The following RSPO3 variants were observed in gnomAD, a reference collection of about 807,000 sequenced individuals.
RSPO3 encodes R-spondin-3.
A neutral mutation model predicts 36.5 loss-of-function variants in RSPO3; 17 were observed. That is an observed-to-expected ratio of 0.47 (90% CI 0.32 to 0.70). The LOEUF (loss-of-function observed/expected upper bound fraction) is 0.70. RSPO3 is among the 30% of genes least tolerant of loss of function. The probability of loss-of-function intolerance (pLI) is 0.04; values close to 1 mark genes in which losing one functional copy is unlikely to be tolerated. For synonymous variants in RSPO3, 108 were observed against 107.0 expected, an observed-to-expected ratio of 1.01 and a Z score of -0.06; for missense variants, 294 against 322.5, an observed-to-expected ratio of 0.91 and a Z score of 0.68.
At position 127,198,399 on chromosome 6, in the gene RSPO3, G is replaced by A. The variant is rs1775556822; in HGVS notation, c.*2392G>A. 6.6e-6 allele frequency among the ~76,000 whole-genome samples: 1 copy of A among 152,164 alleles called. No individual in the cohort carries two copies. ...ATCCTTAAGACAATAGAATCATACA[G>A]TATTCAAACCAGCAGCCTTCTCAAA... On this transcript the variant is annotated 3_prime_UTR_variant, in exon 5 of 5. Coordinates refer to ENST00000356698, the MANE Select transcript of RSPO3 (RefSeq NM_032784.5).
intron 4 of RSPO3, among the ~76,000 whole-genome samples, chr6:127,171,390 T>G (rs1774931700): frequency 6.6e-6 from 1 of 151,744 alleles, no homozygotes; most frequent in Non-Finnish European, 1.5e-5. Flanking sequence ...AAGAAATAAG[T>G]AACTTTGAGA....
intron 4 of RSPO3, among the ~76,000 whole-genome samples, chr6:127,173,046 A>G (rs1026625517): frequency 1.3e-5 from 2 of 151,758 alleles, no homozygotes; most frequent in African/African-American, 2.4e-5. Context: ...ATTTATTTCT[A>G]ATCATCTGCT....
intron 1 of RSPO3, among the ~76,000 whole-genome samples, chr6:127,128,819 G>GT (rs1773994248): frequency 6.6e-6 from 1 of 152,100 alleles, no homozygotes; most frequent in Non-Finnish European, 1.5e-5. Context: ...ACTAGTGAAT[G>GT]TAACAGATGC....
intron 4 of RSPO3, among the ~76,000 whole-genome samples, chr6:127,162,737 CT>C (rs1774733097): frequency 1.3e-5 from 2 of 152,116 alleles, no homozygotes; most frequent in African/African-American, 4.8e-5. Flanking sequence ...AGTATCAGCC[CT>C]TTTGTAAGCA....
chr6:127,196,061 C>G lies in RSPO3; in HGVS notation c.*54C>G. ...TGATGCTGCTATCTCAACCAGATGC[C>G]CAGGACAGGTGCTCTAGCCATTAGG... On this transcript the variant is annotated 3_prime_UTR_variant, in exon 5 of 5. Coordinates refer to ENST00000356698, the MANE Select transcript of RSPO3 (RefSeq NM_032784.5). 3 of 1,451,496 alleles carry G rather than the reference C, an allele frequency of 2.1e-6. 1 individual carries two copies. In the South Asian group the frequency reaches 4.6e-5, roughly 22 times the overall value. 89.9% of individuals were successfully genotyped at this position (1,451,496 alleles called of 1,614,324 possible).
chr6:127,191,526 CAG>C (rs997914048), intron 4 of RSPO3, among the ~76,000 whole-genome samples: 1 of 152,136 alleles, frequency 6.6e-6, no homozygotes, highest in African/African-American at 2.4e-5. Context: ...TTTATACTAA[CAG>C]AAAATAATTT....
chr6:127,167,944 C>T (rs571956457), intron 4 of RSPO3, among the ~76,000 whole-genome samples: 1 of 151,260 alleles, frequency 6.6e-6, no homozygotes, highest in East Asian at 2.0e-4. Flanking sequence ...ATGAACTCAT[C>T]CTTTTTTATG....
intron 4 of RSPO3, among the ~76,000 whole-genome samples, chr6:127,191,177 G>A (rs1363335193): frequency 6.6e-6 from 1 of 152,108 alleles, no homozygotes; most frequent in Non-Finnish European, 1.5e-5. Context: ...CTTAAAATTA[G>A]TAGCTACAGT....
chr6:127,139,765 C>T (rs1307347509), intron 1 of RSPO3, among the ~76,000 whole-genome samples: 2 of 152,024 alleles, frequency 1.3e-5, no homozygotes, highest in African/African-American at 4.8e-5. Context: ...GGTCTCATCA[C>T]CCTCATCCAC....
intron 4 of RSPO3, among the ~76,000 whole-genome samples, chr6:127,187,480 G>A (rs565380970): frequency 1.2e-4 from 18 of 152,222 alleles, no homozygotes; most frequent in Admixed American, 2.0e-4. Context: ...GTGCTTAATA[G>A]ATGAAATTTG....
At chr6:127,166,702 A>G (rs1014036924) in intron 4 of RSPO3, among the ~76,000 whole-genome samples, 2 of 151,998 alleles carry the variant, frequency 1.3e-5, no homozygotes, top group African/African-American at 4.8e-5. Context: ...AATATTTTAA[A>G]TATTAATATA....
rs1774471014 is a variant in RSPO3, at chr6:127,150,529, A to G, written c.393A>G (p.Glu131=). ...GAAAGTGCCTTGACAATTGCCCAGAAGGGTTGGAAGCCAACAACCATACTA... is the reference window on the plus strand; with the variant it reads ...GAAAGTGCCTTGACAATTGCCCAGAGGGGTTGGAAGCCAACAACCATACTA... ...HLGKCLDNCP[E]GLEANNHTME... The change falls in exon 3 of 5, where the codon GAA becomes GAG. Residue 131 remains glutamate (E), a synonymous_variant. Coordinates refer to ENST00000356698, the MANE Select transcript of RSPO3 (RefSeq NM_032784.5). 6.2e-7 allele frequency: 1 copy of G among 1,612,234 alleles called. No homozygotes were observed. Among genetic ancestry groups the G allele is most frequent in the Admixed American group, 1.7e-5 (1 of 59,842 alleles).
At position 127,195,507 on chromosome 6, in the gene RSPO3, A is replaced by C. The variant is rs12202338; in HGVS notation, c.635-316A>C. On this transcript the variant is annotated intron_variant, in intron 4 of 4. Coordinates refer to ENST00000356698, the MANE Select transcript of RSPO3 (RefSeq NM_032784.5). ...TAATAAATGTTTTCAACAGCAAGAAATCTATCTAAAACTTTCCATGAAACA... is the reference window on the plus strand; with the variant it reads ...TAATAAATGTTTTCAACAGCAAGAACTCTATCTAAAACTTTCCATGAAACA... Among the ~76,000 whole-genome samples, 502 of 152,326 alleles carry C rather than the reference A, an allele frequency of 3.3e-3. 2 individuals are homozygous for C. The highest frequency in any genetic ancestry group is 6.1e-3 in the Non-Finnish European group (416 of 68,026).
chr6:127,194,132 G>A (rs1456491621), intron 4 of RSPO3, among the ~76,000 whole-genome samples: 2 of 152,100 alleles, frequency 1.3e-5, no homozygotes, highest in East Asian at 1.9e-4. Flanking sequence ...CAAGGAGACC[G>A]TATTGGCGTA....
At chr6:127,158,747 G>C (rs1031724247) in intron 4 of RSPO3, among the ~76,000 whole-genome samples, 2 of 151,942 alleles carry the variant, frequency 1.3e-5, no homozygotes, top group Non-Finnish European at 2.9e-5. Flanking sequence ...AAATTTAATT[G>C]TTGTATCCTT....
At chr6:127,137,963 C>T (rs1156583274) in intron 1 of RSPO3, among the ~76,000 whole-genome samples, 2 of 152,104 alleles carry the variant, frequency 1.3e-5, no homozygotes, top group Non-Finnish European at 2.9e-5. Context: ...AGACTGCTTC[C>T]AGTAATCATT....
At chr6:127,125,795 A>T (rs1773928789) in intron 1 of RSPO3, among the ~76,000 whole-genome samples, 1 of 152,116 alleles carries the variant, frequency 6.6e-6, no homozygotes, top group Non-Finnish European at 1.5e-5. Flanking sequence ...AGTCTACCCC[A>T]TCTTGTCCTT....
At chr6:127,125,875 A>G (rs911687122) in intron 1 of RSPO3, among the ~76,000 whole-genome samples, 2 of 152,128 alleles carry the variant, frequency 1.3e-5, no homozygotes, top group Non-Finnish European at 2.9e-5. Flanking sequence ...CTAGCATGGC[A>G]GGCTTTCAGA....
intron 4 of RSPO3, among the ~76,000 whole-genome samples, chr6:127,181,044 A>G (rs1474140238): frequency 6.6e-6 from 1 of 151,790 alleles, no homozygotes; most frequent in African/African-American, 2.4e-5. Flanking sequence ...CACTTTTTTT[A>G]AGCACACATT....
Sources: allele counts gnomAD v4.1 joint callset (sites outside exome capture counted in the v4.1 genomes callset), GRCh38; gene constraint gnomAD v4.1.1; transcripts MANE v1.5; gene names NCBI Gene and HGNC (gene_info 2026-07-23, HGNC 2026-07-21).